The following PPP3CC variants were observed in gnomAD, a reference collection of about 807,000 sequenced individuals.
The protein encoded by PPP3CC is protein phosphatase 3 catalytic subunit gamma, also known as serine/threonine-protein phosphatase 2B catalytic subunit gamma isoform.
A neutral mutation model predicts 60.3 loss-of-function variants in PPP3CC; 35 were observed. The observed-to-expected ratio is 0.58, with a 90% CI of 0.44 to 0.77. The LOEUF (loss-of-function observed/expected upper bound fraction) is 0.77. Among genes scored for constraint, PPP3CC ranks in the 30% least tolerant of loss-of-function variants. The pLI is 0.00. For missense variants in PPP3CC, 570 were observed against 628.9 expected, an observed-to-expected ratio of 0.91 and a Z score of 1.00; for synonymous variants, 206 against 224.3, an observed-to-expected ratio of 0.92 and a Z score of 0.73.
At chr8:22,468,829 A>T (rs762164389) in intron 1 of PPP3CC, among the ~76,000 whole-genome samples, 23 of 152,188 alleles carry the variant, frequency 1.5e-4, no homozygotes, top group Non-Finnish European at 3.4e-4. Flanking sequence ...TTTTAGTCTC[A>T]TATGCTCGCA....
intron 6 of PPP3CC, among the ~76,000 whole-genome samples, chr8:22,515,131 TC>T (rs1839209254): frequency 6.6e-6 from 1 of 152,194 alleles, no homozygotes; most frequent in African/African-American, 2.4e-5. Context: ...TTACTACCCT[TC>T]CCAGCCTCTG....
intron 1 of PPP3CC, among the ~76,000 whole-genome samples, chr8:22,442,171 T>A (rs1836692578): frequency 6.6e-6 from 1 of 152,244 alleles, no homozygotes; most frequent in Non-Finnish European, 1.5e-5. Context: ...TAGTTGTTTC[T>A]CCCTTTAAAC....
Position 22,478,819 on chromosome 8 carries a change from C to G in PPP3CC, c.372+3195C>G, listed in dbSNP as rs546785786. Among the ~76,000 whole-genome samples, 3 of 152,314 alleles carry G rather than the reference C, an allele frequency of 2.0e-5. No homozygotes were observed. In the East Asian group the frequency reaches 5.8e-4, roughly 29 times the overall value. On this transcript the variant is annotated intron_variant, in intron 3 of 13. Transcript: ENST00000240139. ...CAGCGTTTTTCATATTAGGACTTAG[C>G]ACAGTGCCTAACACATAGTAGGCAC... is the stretch of plus-strand genomic sequence containing the variant.
chr8:22,473,325 C>G (rs1307722388), intron 1 of PPP3CC, among the ~76,000 whole-genome samples: 1 of 152,040 alleles, frequency 6.6e-6, no homozygotes, highest in Non-Finnish European at 1.5e-5. Context: ...AGGCACATAA[C>G]AAGACAACAG....
At chr8:22,533,246 A>G (rs572125539) in intron 12 of PPP3CC, among the ~76,000 whole-genome samples, 14 of 152,362 alleles carry the variant, frequency 9.2e-5, no homozygotes, top group African/African-American at 2.9e-4. Context: ...AGAAGAAAGT[A>G]TGGAGAGTAG....
chr8:22,530,829 C>CAAACAAAAAAAAAAAA (rs1839691242), intron 10 of PPP3CC, among the ~76,000 whole-genome samples: 54 of 58,044 alleles, frequency 9.3e-4, no homozygotes, highest in African/African-American at 2.6e-3. Flanking sequence ...AGACTCATCT[C>CAAACAAAAAAAAAAAA]AAAAAAAAAA....
intron 1 of PPP3CC, among the ~76,000 whole-genome samples, chr8:22,450,380 A>G (rs1051761574): frequency 2.6e-5 from 4 of 152,184 alleles, no homozygotes; most frequent in African/African-American, 9.7e-5. Flanking sequence ...AGGATTTTCT[A>G]AGTGTATTTT....
chr8:22,516,221 T>C (rs971147202), intron 6 of PPP3CC, among the ~76,000 whole-genome samples: 3 of 152,224 alleles, frequency 2.0e-5, no homozygotes, highest in Admixed American at 2.0e-4. Context: ...ATTACAGGGA[T>C]GAGCCCCACC....
chr8:22,452,827 A>G (rs1023340805), intron 1 of PPP3CC, among the ~76,000 whole-genome samples: 1 of 152,214 alleles, frequency 6.6e-6, no homozygotes, highest in Non-Finnish European at 1.5e-5. Flanking sequence ...CATCATCATC[A>G]TCATAAGAAT....
intron 1 of PPP3CC, among the ~76,000 whole-genome samples, chr8:22,465,803 G>A (rs901845271): frequency 3.9e-5 from 6 of 152,092 alleles, no homozygotes; most frequent in Admixed American, 6.5e-5. Context: ...TGTAGAGTGA[G>A]AAATATTATT....
intron 3 of PPP3CC, among the ~76,000 whole-genome samples, chr8:22,483,340 G>A (rs933897289): frequency 7.2e-5 from 11 of 152,152 alleles, no homozygotes; most frequent in African/African-American, 2.4e-4. Context: ...AGGCTGGAGT[G>A]CAGTGGCGCA....
At chr8:22,451,139 CATTT>C (rs1359815713) in intron 1 of PPP3CC, among the ~76,000 whole-genome samples, 3 of 147,914 alleles carry the variant, frequency 2.0e-5, no homozygotes, top group African/African-American at 7.5e-5. Context: ...GCACCCGGCC[CATTT>C]ATTTATTTTT....
At chr8:22,503,715 C>T (rs938307152) in intron 4 of PPP3CC, among the ~76,000 whole-genome samples, 1 of 152,010 alleles carries the variant, frequency 6.6e-6, no homozygotes, top group African/African-American at 2.4e-5. Flanking sequence ...AATTTCTTAC[C>T]TTAGGTTTTT....
At chr8:22,527,809 C>T (rs143439834) in intron 9 of PPP3CC, among the ~76,000 whole-genome samples, 3,048 of 151,982 alleles carry the variant, frequency 0.02, 109 homozygotes, top group African/African-American at 0.069. Flanking sequence ...CTAATTTTTG[C>T]ATTTTAGTAG....
intron 1 of PPP3CC, among the ~76,000 whole-genome samples, chr8:22,470,993 A>G (rs923573790): frequency 5.9e-5 from 9 of 152,232 alleles, no homozygotes; most frequent in South Asian, 2.1e-4. Flanking sequence ...AAGCTGCTCT[A>G]GTCATACATT....
At chr8:22,492,154 A>G (rs181458814) in intron 3 of PPP3CC, among the ~76,000 whole-genome samples, 6 of 152,120 alleles carry the variant, frequency 3.9e-5, no homozygotes, top group Admixed American at 2.6e-4. Context: ...CCTGTACAGC[A>G]TGTTATTGTG....
chr8:22,502,769 G>A (rs1465948346), intron 4 of PPP3CC, among the ~76,000 whole-genome samples: 1 of 152,222 alleles, frequency 6.6e-6, no homozygotes, highest in Non-Finnish European at 1.5e-5. Context: ...GGCATTTGCA[G>A]AGCATGTAAA....
chr8:22,500,566 A>G (rs961946877), intron 4 of PPP3CC, among the ~76,000 whole-genome samples: 3 of 152,198 alleles, frequency 2.0e-5, no homozygotes, highest in Non-Finnish European at 4.4e-5. Context: ...TGATAGGTAG[A>G]TTGCTATTTA....
At chr8:22,517,210 G>A (rs764122740) in intron 6 of PPP3CC, among the ~76,000 whole-genome samples, 9 of 152,186 alleles carry the variant, frequency 5.9e-5, no homozygotes, top group Non-Finnish European at 1.2e-4. Flanking sequence ...TTATCCCAGG[G>A]ATAAATCCCA....
Sources: gnomAD v4.1 joint callset for allele counts (sites outside exome capture counted in the v4.1 genomes callset) on GRCh38, gnomAD v4.1.1 for gene constraint, MANE v1.5 for transcripts, NCBI Gene and HGNC (gene_info 2026-07-23, HGNC 2026-07-21) for gene names.